LRRC9: variants seen among roughly 807,000 people sequenced by gnomAD.
The protein encoded by LRRC9 is leucine-rich repeat-containing protein 9.
Under a neutral mutation model 63.2 loss-of-function variants are expected in LRRC9, and 122 were observed. That is an observed-to-expected ratio of 1.93 (90% CI 1.67 to 2.24). LRRC9 has a LOEUF of 2.24. Ranked by LOEUF, LRRC9 falls within the 30% of genes most tolerant of loss-of-function variation. The pLI, the probability that LRRC9 is intolerant of heterozygous loss-of-function variation, is 0.00. For missense variants in LRRC9, 1,071 were observed against 627.7 expected (o/e 1.71, Z -7.55); for synonymous variants, 366 against 213.1 (o/e 1.72, Z -6.25).
At chr14:60,030,347 G>T (rs1891893274) in intron 28 of LRRC9, 2 of 152,018 alleles carry the variant, frequency 1.3e-5, no homozygotes, top group African/African-American at 4.8e-5. Flanking sequence ...CAATAATGTA[G>T]ATTTAGCTAA....
intron 15 of LRRC9, among the ~76,000 whole-genome samples, chr14:59,980,275 C>A: frequency 6.6e-6 from 1 of 152,034 alleles, no homozygotes; most frequent in Admixed American, 6.5e-5. Context: ...AAAATACAAC[C>A]TTTATTGTTA....
At chr14:59,944,559 AT>A (rs998866351) in intron 7 of LRRC9, 29 bp from the exon 8 acceptor site, 5 of 542,584 alleles carry the variant, frequency 9.2e-6, no homozygotes, top group Non-Finnish European at 1.6e-5. Context: ...GTTTTAGCTA[AT>A]TTTTTGTTGT....
At chr14:59,967,894 T>C (rs767319679) in intron 12 of LRRC9, among the ~76,000 whole-genome samples, 5 of 152,194 alleles carry the variant, frequency 3.3e-5, no homozygotes, top group Non-Finnish European at 7.3e-5. Context: ...ATGAAGATAA[T>C]AATAATATCT....
intron 29 of LRRC9, among the ~76,000 whole-genome samples, chr14:60,045,182 C>T (rs1286786762): frequency 6.6e-6 from 1 of 151,464 alleles, no homozygotes; most frequent in African/African-American, 2.4e-5. Flanking sequence ...CCACCCCTTT[C>T]AGTCCATGTG....
In LRRC9 at chr14:60,058,920, C is replaced by T. The variant is rs534764776; in HGVS notation, c.4276+898C>T. On this transcript the variant is annotated intron_variant, in intron 31 of 31. Coordinates refer to ENST00000445360, the Ensembl canonical transcript of LRRC9. This position sits in a 1 kb window ranked among gnomAD's most constrained non-coding sequence, Gnocchi z 4.4. ...TCATACTTATATGGCATTATGACTTCCAGGTTTTAATAATAATGAAGATTG... is the reference window on the plus strand; with the variant it reads ...TCATACTTATATGGCATTATGACTTTCAGGTTTTAATAATAATGAAGATTG... The T allele has an allele frequency of 7.2e-5, 11 of 152,252 alleles. No homozygotes were observed. Among genetic ancestry groups the T allele is most frequent in the African/African-American group, 2.6e-4 (11 of 41,558 alleles). The allele number at this position is 152,252 out of a possible 1,614,324, so 9.4% of individuals were successfully genotyped here.
intron 17 of LRRC9, among the ~76,000 whole-genome samples, chr14:59,988,927 T>C (rs1887765968): frequency 6.6e-6 from 1 of 152,180 alleles, no homozygotes; most frequent in African/African-American, 2.4e-5. Flanking sequence ...ATAAAATCTT[T>C]GGCTCACAAT....
In LRRC9 at chr14:59,941,387, T is replaced by G. The variant is rs78829054; in HGVS notation, c.726+2815T>G. On this transcript the variant is annotated intron_variant, in intron 7 of 31. Transcript: ENST00000445360. ...CAAAAAAATTAAAATAAAACTAGTATGTTTTAATCTTTTTTTTTATCCCAC... is the reference window on the plus strand; with the variant it reads ...CAAAAAAATTAAAATAAAACTAGTAGGTTTTAATCTTTTTTTTTATCCCAC... Among the ~76,000 whole-genome samples, 2,539 of 151,754 alleles carry G rather than the reference T, an allele frequency of 0.017. 99 individuals are homozygous for G. In the East Asian group the frequency reaches 0.18, roughly 11 times the overall value.
chr14:59,963,900 G>C lies in LRRC9; in HGVS notation c.1212-2689G>C, dbSNP rs186145716. 3.9e-4 allele frequency among the ~76,000 whole-genome samples: 60 copies of C among 152,268 alleles called. 1 individual carries two copies. The highest frequency in any genetic ancestry group is 1.3e-3 in the African/African-American group (54 of 41,552). The stretch of plus-strand genomic sequence containing the variant: ...AGTATATTTTAATAGATTACATTAA[G>C]CTTCAAACATTTAAAAACGTGTGTA... On this transcript the variant is annotated intron_variant, in intron 10 of 31. Transcript: ENST00000445360.
rs879260896 is a variant in LRRC9, at chr14:59,927,543, A to G, written c.-33-368A>G. ...TACAAAGGACAACTAGAGCCTGTTC[A>G]AAGGAGAGAAACATGAGTATATAGT... is the stretch of plus-strand genomic sequence containing the variant. On this transcript the variant is annotated intron_variant, in intron 1 of 31. Coordinates refer to ENST00000445360, the Ensembl canonical transcript of LRRC9. The surrounding 1 kb of genome is among the most constrained non-coding windows in gnomAD (Gnocchi z 4.4). 2.0e-5 allele frequency among the ~76,000 whole-genome samples: 3 copies of G among 152,070 alleles called. No homozygotes were observed. Among genetic ancestry groups the G allele is most frequent in the Non-Finnish European group, 4.4e-5 (3 of 67,924 alleles).
Position 60,019,268 on chromosome 14 carries a change from T to C in LRRC9, c.3566+8T>C, listed in dbSNP as rs1330317671. 1 of 679,724 alleles carries C rather than the reference T, an allele frequency of 1.5e-6. No individual in the cohort carries two copies. Among genetic ancestry groups the C allele is most frequent in the African/African-American group, 1.8e-5 (1 of 55,762 alleles). The allele number at this position is 679,724 out of a possible 1,614,324, so 42.1% of individuals were successfully genotyped here. ...AATTTCAAAAACAAACAGGTAGTAT[T>C]CTTTATTTTTATGATTATAACTAAT... On this transcript the variant is annotated splice_region_variant and intron_variant, in intron 26 of 31. Coordinates refer to ENST00000445360, the Ensembl canonical transcript of LRRC9.
chr14:59,999,320 C>G (rs1889126889), intron 19 of LRRC9, 94 bp downstream of exon 19: 4 of 512,612 alleles, frequency 7.8e-6, no homozygotes. Flanking sequence ...TTTATAGTCC[C>G]TCTTAGCCTA....
In LRRC9 at chr14:59,958,194, C is replaced by T. The variant is rs1353660222; in HGVS notation, c.883-1624C>T. Among the ~76,000 whole-genome samples the T allele has an allele frequency of 6.6e-6, 1 of 152,242 alleles. No homozygotes were observed. Among genetic ancestry groups the T allele is most frequent in the Non-Finnish European group, 1.5e-5 (1 of 68,044 alleles). ...CCCTCTTGTCAGGATTAGCTGCTCT[C>T]TTCAGAGCTGGCAGGCAGGAACGAT... On this transcript the variant is annotated intron_variant, in intron 8 of 31. Transcript: ENST00000445360. This position sits in a 1 kb window ranked among gnomAD's most constrained non-coding sequence, Gnocchi z 4.0.
chr14:59,981,867 T>C lies in LRRC9; in HGVS notation c.1898T>C (p.Phe633Ser), dbSNP rs979642037. Residue 633 changes from phenylalanine to serine, a missense_variant, in exon 16 of 32, where the codon TTT (phenylalanine) becomes TCT (serine). Physicochemically the swap from Phe to Ser is radical, Grantham distance 155. Transcript: ENST00000445360. ...TTTTAGGTCAAGGCACCCTCTTTAT[T>C]TTCTGTATTCAACAATGTTATTCTA... 6 of 697,660 alleles carry C rather than the reference T, an allele frequency of 8.6e-6. No individual in the cohort carries two copies. The African/African-American group carries it at 8.8e-5, about 10-fold the overall frequency. The allele number at this position is 697,660 out of a possible 1,614,324, so 43.2% of individuals were successfully genotyped here.
chr14:60,045,343 G>A (rs1893327125), intron 29 of LRRC9, among the ~76,000 whole-genome samples: 1 of 152,086 alleles, frequency 6.6e-6, no homozygotes, highest in Non-Finnish European at 1.5e-5. Context: ...CATATGCCAT[G>A]GTAGTTTGCT....
At chr14:60,009,145 G>C (rs1439971871) in intron 23 of LRRC9, among the ~76,000 whole-genome samples, 1 of 152,158 alleles carries the variant, frequency 6.6e-6, no homozygotes, top group East Asian at 1.9e-4. Flanking sequence ...ACATGAAAAA[G>C]CACTTATAGA....
At chr14:59,967,263 C>A in intron 12 of LRRC9, 50 bp downstream of exon 12, 1 of 524,964 alleles carries the variant, frequency 1.9e-6, no homozygotes, top group Non-Finnish European at 3.6e-6. Flanking sequence ...GCAAGTGGAG[C>A]TCTGCCGCTG....
rs1175647636 is a variant in LRRC9 at position 60,027,614 on chromosome 14, C to T, written c.3704-270C>T. ...TACCGACTATTTTAACACTTAATTA[C>T]CAAACAGACATATTAGATCAATTCA... On this transcript the variant is annotated intron_variant, in intron 27 of 31. Coordinates refer to ENST00000445360, the Ensembl canonical transcript of LRRC9. This position sits in a 1 kb window ranked among gnomAD's most constrained non-coding sequence, Gnocchi z 4.0. Among the ~76,000 whole-genome samples the T allele has an allele frequency of 6.6e-6, 1 of 151,948 alleles. No individual in the cohort carries two copies. The highest frequency in any genetic ancestry group is 2.4e-5 in the African/African-American group (1 of 41,400).
intron 17 of LRRC9, among the ~76,000 whole-genome samples, chr14:59,988,866 T>A (rs1427250684): frequency 6.6e-6 from 1 of 152,172 alleles, no homozygotes; most frequent in Admixed American, 6.5e-5. Flanking sequence ...TACTGAATGT[T>A]AATAACAGTT....
rs1891676980 is a variant in LRRC9, at chr14:60,027,826, A to G, written c.3704-58A>G. ...AAAAAATATTTAAATGTAAGTAGATATCCTTTACTTCAGGAAGTTTGGGCT... is the reference window on the plus strand; with the variant it reads ...AAAAAATATTTAAATGTAAGTAGATGTCCTTTACTTCAGGAAGTTTGGGCT... On this transcript the variant is annotated intron_variant, in intron 27 of 31. Transcript: ENST00000445360. The surrounding 1 kb of genome is among the most constrained non-coding windows in gnomAD (Gnocchi z 4.0). 1.7e-6 allele frequency: 1 copy of G among 581,840 alleles called. No homozygotes were observed. Among genetic ancestry groups the G allele is most frequent in the African/African-American group, 1.9e-5 (1 of 53,550 alleles). The allele number at this position is 581,840 out of a possible 1,614,324, so 36.0% of individuals were successfully genotyped here. A position where few individuals can be genotyped will look rare whatever the true frequency, so the allele number is the denominator to read the frequency against.
Sources: gnomAD v4.1 joint callset for allele counts (sites outside exome capture counted in the v4.1 genomes callset) on GRCh38, gnomAD v4.1.1 for gene constraint, Gnocchi (gnomAD v3.1) non-coding constraint, MANE v1.5 for transcripts, NCBI Gene and HGNC (gene_info 2026-07-23, HGNC 2026-07-21) for gene names.